Variants in PTPRD observed in about 807,000 individuals in gnomAD.
PTPRD encodes the protein protein tyrosine phosphatase receptor type D, also known as receptor-type tyrosine-protein phosphatase delta.
PTPRD carries 34 observed loss-of-function variants against 214.5 expected under a neutral mutation model. That is an observed-to-expected ratio of 0.16 (90% CI 0.12 to 0.21). PTPRD has a LOEUF of 0.21. Among genes scored for constraint, PTPRD ranks in the 10% least tolerant of loss-of-function variants. The probability of loss-of-function intolerance (pLI) is 1.00; values close to 1 mark genes in which losing one functional copy is unlikely to be tolerated. For synonymous variants in PTPRD, 1,128 were observed against 845.7 expected, an observed-to-expected ratio of 1.33 and a Z score of -5.79; for missense variants, 2,545 against 2,398.7, an observed-to-expected ratio of 1.06 and a Z score of -1.27.
At chr9:8,539,953 T>G (rs116881731) in intron 14 of PTPRD, among the ~76,000 whole-genome samples, 50 of 152,236 alleles carry the variant, frequency 3.3e-4, no homozygotes, top group Non-Finnish European at 6.2e-4. Context: ...TAGATGGTTA[T>G]GATGCATCAG....
chr9:9,955,663 A>G (rs939999884), intron 4 of PTPRD, among the ~76,000 whole-genome samples: 5 of 151,912 alleles, frequency 3.3e-5, no homozygotes, highest in Admixed American at 1.3e-4. Context: ...AGCTGGGACT[A>G]CAGGTGCCCG....
At chr9:10,201,330 T>C (rs1247066370) in intron 3 of PTPRD, among the ~76,000 whole-genome samples, 1 of 151,986 alleles carries the variant, frequency 6.6e-6, no homozygotes, top group Non-Finnish European at 1.5e-5. Context: ...TTAGTTATAA[T>C]GATAAAAAGG....
chr9:9,194,228 T>C (rs1197832718), intron 9 of PTPRD, among the ~76,000 whole-genome samples: 1 of 152,114 alleles, frequency 6.6e-6, no homozygotes, highest in Non-Finnish European at 1.5e-5. Flanking sequence ...ATGATAACAA[T>C]GCCTTCATCT....
chr9:9,883,455 G>A (rs2069551758), intron 5 of PTPRD, among the ~76,000 whole-genome samples: 1 of 152,082 alleles, frequency 6.6e-6, no homozygotes, highest in Non-Finnish European at 1.5e-5. Flanking sequence ...AGGAGAACAG[G>A]AAAGTATAAA....
intron 14 of PTPRD, among the ~76,000 whole-genome samples, chr9:8,626,498 C>G (rs543400481): frequency 6.6e-6 from 1 of 151,720 alleles, no homozygotes; most frequent in Non-Finnish European, 1.5e-5. Flanking sequence ...CTTGATTAGG[C>G]GAAATATCTG....
intron 7 of PTPRD, among the ~76,000 whole-genome samples, chr9:9,705,741 T>C (rs1270900225): frequency 6.6e-6 from 1 of 152,136 alleles, no homozygotes. Flanking sequence ...TACAAAAAAA[T>C]CAAAAAAGTT....
rs537707129 is a variant in PTPRD, at chr9:8,490,814, T to C, written c.2467+2048A>G. Among the ~76,000 whole-genome samples the C allele has an allele frequency of 9.2e-5, 14 of 152,270 alleles. No homozygotes were observed. The South Asian group carries it at 2.9e-3, about 32-fold the overall frequency. Reference sequence around the variant, plus strand: ...TTCTTTACAGGTTGTAGAAACAAGGTATAATAAACAAATATCCCACAATCA... The same window carrying C: ...TTCTTTACAGGTTGTAGAAACAAGGCATAATAAACAAATATCCCACAATCA... On this transcript the variant is annotated intron_variant, in intron 27 of 45. Transcript: ENST00000381196.
intron 35 of PTPRD, among the ~76,000 whole-genome samples, chr9:8,423,658 T>C (rs910153833): frequency 2.0e-5 from 3 of 152,262 alleles, no homozygotes; most frequent in East Asian, 3.9e-4. Context: ...AAGGGCACCT[T>C]GCCAGTATAG....
chr9:8,572,276 G>A (rs1048882411), intron 14 of PTPRD, among the ~76,000 whole-genome samples: 2 of 151,884 alleles, frequency 1.3e-5, no homozygotes, highest in African/African-American at 4.8e-5. Flanking sequence ...AGCCTCCAAG[G>A]ACTCTTCTAC....
chr9:9,664,287 A>G (rs2096674159), intron 7 of PTPRD, among the ~76,000 whole-genome samples: 1 of 151,494 alleles, frequency 6.6e-6, no homozygotes. Context: ...CTATTAGTGA[A>G]TAACTTGATA....
chr9:10,456,008 C>T (rs2131045362), intron 2 of PTPRD, among the ~76,000 whole-genome samples: 1 of 151,772 alleles, frequency 6.6e-6, no homozygotes, highest in Non-Finnish European at 1.5e-5. Flanking sequence ...TTGTTATAAG[C>T]CAACCCAAAA....
intron 5 of PTPRD, among the ~76,000 whole-genome samples, chr9:9,822,067 T>C (rs1271491693): frequency 6.6e-6 from 1 of 151,744 alleles, no homozygotes; most frequent in African/African-American, 2.4e-5. Flanking sequence ...CCAAAAATCA[T>C]TATAACTGTA....
intron 3 of PTPRD, among the ~76,000 whole-genome samples, chr9:10,260,515 A>G (rs1009350148): frequency 3.3e-5 from 5 of 152,156 alleles, no homozygotes; most frequent in Admixed American, 6.5e-5. Flanking sequence ...CTCAAACCTC[A>G]GCATTTCTGA....
intron 9 of PTPRD, among the ~76,000 whole-genome samples, chr9:9,347,334 ATC>A (rs2049250554): frequency 6.7e-6 from 1 of 149,966 alleles, no homozygotes; most frequent in Non-Finnish European, 1.5e-5. Flanking sequence ...ATATATATAT[ATC>A]TATATATCTA....
chr9:10,605,090 C>T (rs1323613236), intron 2 of PTPRD, among the ~76,000 whole-genome samples: 4 of 151,854 alleles, frequency 2.6e-5, no homozygotes, highest in Non-Finnish European at 4.4e-5. Context: ...AATCCCACTA[C>T]ATTTCTAAAC....
At chr9:9,753,819 G>T (rs1207817659) in intron 6 of PTPRD, among the ~76,000 whole-genome samples, 1 of 151,954 alleles carries the variant, frequency 6.6e-6, no homozygotes, top group East Asian at 1.9e-4. Flanking sequence ...TTATGTTTAG[G>T]GTTTAGCTTT....
chr9:9,954,886 T>C (rs891467920), intron 4 of PTPRD, among the ~76,000 whole-genome samples: 3 of 152,174 alleles, frequency 2.0e-5, no homozygotes, highest in Admixed American at 1.3e-4. Flanking sequence ...TCAATTTGCA[T>C]CTTATTCAAA....
intron 5 of PTPRD, among the ~76,000 whole-genome samples, chr9:9,850,561 T>C (rs530919289): frequency 6.4e-4 from 98 of 152,134 alleles, no homozygotes; most frequent in Non-Finnish European, 9.9e-4. Context: ...TATTTTTAAA[T>C]AGACAAATTA....
intron 3 of PTPRD, among the ~76,000 whole-genome samples, chr9:10,313,892 G>T (rs1164645455): frequency 6.6e-6 from 1 of 151,866 alleles, no homozygotes; most frequent in South Asian, 2.1e-4. Flanking sequence ...GAGGTATAGG[G>T]AAAGAGGTAA....
Sources: gnomAD v4.1 joint callset for allele counts (sites outside exome capture counted in the v4.1 genomes callset) on GRCh38, gnomAD v4.1.1 for gene constraint, MANE v1.5 for transcripts, NCBI Gene and HGNC (gene_info 2026-07-23, HGNC 2026-07-21) for gene names.